Variants in MEF2B observed in about 807,000 individuals in gnomAD.
The protein encoded by MEF2B is myocyte-specific enhancer factor 2B.
A neutral mutation model predicts 32.2 loss-of-function variants in MEF2B; 15 were observed. The observed-to-expected ratio is 0.47, with a 90% CI of 0.31 to 0.72. The LOEUF (loss-of-function observed/expected upper bound fraction) is 0.72. Among genes scored for constraint, MEF2B ranks in the 30% least tolerant of loss-of-function variants. The pLI, the probability that MEF2B is intolerant of heterozygous loss-of-function variation, is 0.05. For synonymous variants in MEF2B, 205 were observed against 225.6 expected (o/e 0.91, Z 0.82); for missense variants, 441 against 511.5 (o/e 0.86, Z 1.33).
intron 1 of MEF2B, among the ~76,000 whole-genome samples, chr19:19,168,614 G>C (rs914326310): frequency 6.7e-6 from 1 of 149,494 alleles, no homozygotes; most frequent in African/African-American, 2.5e-5. Context: ...TTCTTTTAGA[G>C]ACAGGATCTT....
chr19:19,150,221 A>C (rs2060064626), intron 2 of MEF2B, among the ~76,000 whole-genome samples: 1 of 133,620 alleles, frequency 7.5e-6, no homozygotes. Context: ...GGAAGGAGGG[A>C]GGGAGGGGAA....
intron 7 of MEF2B, 65 bp from the exon 8 acceptor site, chr19:19,146,449 C>A: frequency 3.1e-6 from 4 of 1,281,926 alleles, no homozygotes; most frequent in Non-Finnish European, 3.2e-6. Context: ...AACCTAACCA[C>A]CCCCAGTGAC....
In MEF2B at chr19:19,158,431, T is replaced by G. The variant is rs114263191; in HGVS notation, c.-29-7667A>C. ...AAAAGCTCCAGCCAGAGCAACATAG[T>G]GAGACCCTGCCCCTAAAAAAAAAAA... On this transcript the variant is annotated intron_variant, in intron 1 of 8. Transcript: ENST00000424583. 6.2e-3 allele frequency among the ~76,000 whole-genome samples: 767 copies of G among 124,086 alleles called. 8 individuals are homozygous for G. Among genetic ancestry groups the G allele is most frequent in the African/African-American group, 0.024 (723 of 30,360 alleles). The allele number at this position is 124,086 out of a possible 152,430, so 81.4% of individuals were successfully genotyped here. A position where few individuals can be genotyped will look rare whatever the true frequency, so the allele number is the denominator to read the frequency against.
chr19:19,147,182 G>C lies in MEF2B; in HGVS notation c.395C>G (p.Pro132Arg). The change falls in exon 5 of 9, where the codon CCT (proline) becomes CGT (arginine). Residue 132 changes from proline to arginine, a missense_variant and splice_region_variant. Physicochemically the swap from Pro to Arg is moderately radical, Grantham distance 103. Around this residue, in one of 2 missense-constraint regions of MEF2B, gnomAD observed 326 missense variants for 328.4 expected, o/e 0.99. Transcript: ENST00000424583. ...TGGGCTGGGCATAGCAGGAGCTGCA[G>C]GCTGTGGGTAGAGAAGGGATGGGTC... is the stretch of plus-strand genomic sequence containing the variant. ...DPALPRPRLYPAAPAMPSPDV... is the reference protein window; with the variant it reads ...DPALPRPRLYRAAPAMPSPDV... 1 of 1,571,576 alleles carries C rather than the reference G, an allele frequency of 6.4e-7. No homozygotes were observed. The highest frequency in any genetic ancestry group is 8.6e-7 in the Non-Finnish European group (1 of 1,158,954).
Position 19,145,758 on chromosome 19 carries a change from C to T in MEF2B, c.*39G>A. ...GGGGTCCCCACGTGCCCTCGCCGTA[C>T]CTGGCGAGCGCTCTGGGCTGGTGCC... On this transcript the variant is annotated 3_prime_UTR_variant, in exon 9 of 9. Transcript: ENST00000424583. This position sits in a 1 kb window ranked among gnomAD's most constrained non-coding sequence, Gnocchi z 4.6. The T allele has an allele frequency of 6.4e-7, 1 of 1,556,622 alleles. No individual in the cohort carries two copies. The highest frequency in any genetic ancestry group is 8.7e-7 in the Non-Finnish European group (1 of 1,150,416).
intron 8 of MEF2B, 37 bp downstream of exon 8, chr19:19,146,236 G>T: frequency 1.1e-6 from 1 of 951,792 alleles, no homozygotes; most frequent in Non-Finnish European, 1.5e-6. Context: ...CCGGGGCTTT[G>T]GAGGACTGGG....
rs780679967 is a variant in MEF2B, at chr19:19,147,188, G to T, written c.394-5C>A. 1.9e-6 allele frequency: 3 copies of T among 1,566,220 alleles called. No homozygotes were observed. Among genetic ancestry groups the T allele is most frequent in the East Asian group, 2.4e-5 (1 of 42,460 alleles). On this transcript the variant is annotated splice_region_variant and splice_polypyrimidine_tract_variant and intron_variant, in intron 4 of 8. Coordinates refer to ENST00000424583, the MANE Select transcript of MEF2B (RefSeq NM_001145785.2). The stretch of plus-strand genomic sequence containing the variant: ...GGGCATAGCAGGAGCTGCAGGCTGT[G>T]GGTAGAGAAGGGATGGGTCAGAGGA...
At chr19:19,149,734 T>G (rs2060056951) in intron 2 of MEF2B, among the ~76,000 whole-genome samples, 1 of 151,372 alleles carries the variant, frequency 6.6e-6, no homozygotes, top group Admixed American at 6.6e-5. Context: ...AAGCTCCATC[T>G]CCCCTATGGC....
At chr19:19,169,359 A>AAAC (rs992497735) in intron 1 of MEF2B, among the ~76,000 whole-genome samples, 1 of 152,076 alleles carries the variant, frequency 6.6e-6, no homozygotes, top group Non-Finnish European at 1.5e-5. Flanking sequence ...CTCAAAAAAA[A>AAAC]AACAAAGAAA....
At chr19:19,154,555 T>C (rs528498348) in intron 1 of MEF2B, among the ~76,000 whole-genome samples, 2 of 152,328 alleles carry the variant, frequency 1.3e-5, no homozygotes, top group South Asian at 4.1e-4. Flanking sequence ...GCGATTCTCC[T>C]GCTTCAGCCT....
chr19:19,153,781 T>G (rs2060101162), intron 1 of MEF2B, among the ~76,000 whole-genome samples: 1 of 151,372 alleles, frequency 6.6e-6, no homozygotes, highest in Non-Finnish European at 1.5e-5. Flanking sequence ...GAGACAGTCT[T>G]GCTCTGTTGC....
At position 19,149,213 on chromosome 19, in the gene MEF2B, G is replaced by A. The variant is rs776400808; in HGVS notation, c.258+13C>T. ...CGGGGCCTTGTGGGGCTGGGGAGGA[G>A]GACCTGGGGTACCTCGAGGATGTCA... On this transcript the variant is annotated intron_variant, in intron 3 of 8. Transcript: ENST00000424583. The A allele has an allele frequency of 6.2e-6, 10 of 1,613,144 alleles. No individual in the cohort carries two copies. The Admixed American group carries it at 1.3e-4, about 22-fold the overall frequency.
chr19:19,146,733 C>G lies in MEF2B; in HGVS notation c.675+9G>C. On this transcript the variant is annotated intron_variant, in intron 6 of 8. Transcript: ENST00000424583. ...CTCATCAGCCCTGCCACACCCTCCCCTCACTCACGGAGGTGTTTAGTCCCC... is the reference window on the plus strand; with the variant it reads ...CTCATCAGCCCTGCCACACCCTCCCGTCACTCACGGAGGTGTTTAGTCCCC... 1 of 1,614,024 alleles carries G rather than the reference C, an allele frequency of 6.2e-7. No homozygotes were observed. The highest frequency in any genetic ancestry group is 8.5e-7 in the Non-Finnish European group (1 of 1,179,960).
At chr19:19,147,006 C>T (rs2060032329) in intron 5 of MEF2B, 30 bp downstream of exon 5, 1 of 1,573,186 alleles carries the variant, frequency 6.4e-7, no homozygotes, top group African/African-American at 1.4e-5. Flanking sequence ...CCCTCAGGAC[C>T]TCACCCCTGC....
chr19:19,159,850 G>A (rs1202875667), intron 1 of MEF2B, among the ~76,000 whole-genome samples: 1 of 151,980 alleles, frequency 6.6e-6, no homozygotes, highest in Non-Finnish European at 1.5e-5. Context: ...CCCTTCCACT[G>A]ACCCTTCCCC....
At chr19:19,165,162 C>T (rs758161877) in intron 1 of MEF2B, among the ~76,000 whole-genome samples, 38 of 152,126 alleles carry the variant, frequency 2.5e-4, no homozygotes, top group Non-Finnish European at 8.8e-5. Flanking sequence ...CAGAGCAAGG[C>T]CTCCCCCCAT....
Position 19,149,246 on chromosome 19 carries a change from T to C in MEF2B, c.238A>G (p.Thr80Ala). The change falls in exon 3 of 9, where the codon ACC becomes GCC. Residue 80 changes from threonine (T) to alanine (A), a missense_variant. Physicochemically the swap from Thr to Ala is moderately conservative, Grantham distance 58. Transcript: ENST00000424583. ...GGTACCTCGAGGATGTCAGTGTTGG[T>C]GCGGCTCTCGTGGGGCTCGCTGTAC... ...TEYSEPHESR[T>A]NTDILETLKR... is the part of the protein sequence containing the mutation. 1 of 1,613,804 alleles carries C rather than the reference T, an allele frequency of 6.2e-7. No individual in the cohort carries two copies. Among genetic ancestry groups the C allele is most frequent in the Non-Finnish European group, 8.5e-7 (1 of 1,179,970 alleles).
chr19:19,165,436 C>T (rs139356880), intron 1 of MEF2B, among the ~76,000 whole-genome samples: 28 of 152,288 alleles, frequency 1.8e-4, no homozygotes, highest in African/African-American at 6.5e-4. Flanking sequence ...GAGCAAGACC[C>T]TGTCTCTGAG....
intron 1 of MEF2B, among the ~76,000 whole-genome samples, chr19:19,163,597 A>G (rs751872136): frequency 6.6e-6 from 1 of 152,086 alleles, no homozygotes; most frequent in Non-Finnish European, 1.5e-5. Flanking sequence ...TGAATCAACG[A>G]CCAAACAACT....
Sources: allele counts gnomAD v4.1 joint callset (sites outside exome capture counted in the v4.1 genomes callset), GRCh38; gene constraint gnomAD v4.1.1; regional missense constraint gnomAD v4.1.1; non-coding constraint Gnocchi (gnomAD v3.1); transcripts MANE v1.5; gene names NCBI Gene and HGNC (gene_info 2026-07-23, HGNC 2026-07-21).